MAP4K3: variants seen among roughly 807,000 people sequenced by gnomAD.
MAP4K3 encodes the protein MAPK/ERK kinase kinase kinase 3.
MAP4K3 carries 94 observed loss-of-function variants against 143.5 expected under a neutral mutation model. The ratio of observed to expected loss-of-function variants is 0.65; its 90% CI spans 0.55 to 0.78. The LOEUF (loss-of-function observed/expected upper bound fraction) is 0.78, where lower values mean the gene tolerates loss of function less well. MAP4K3 is among the 30% of genes least tolerant of loss of function. The pLI, the probability that MAP4K3 is intolerant of heterozygous loss-of-function variation, is 0.00. For synonymous variants in MAP4K3, 416 were observed against 347.2 expected, an observed-to-expected ratio of 1.20 and a Z score of -2.20; for missense variants, 1,077 against 1,068.1, an observed-to-expected ratio of 1.01 and a Z score of -0.12.
Position 39,309,518 on chromosome 2 carries a change from A to G in MAP4K3, c.999T>C (p.Phe333=). 1 of 1,572,918 alleles carries G rather than the reference A, an allele frequency of 6.4e-7. No individual in the cohort carries two copies. The highest frequency in any genetic ancestry group is 8.6e-7 in the Non-Finnish European group (1 of 1,160,014). ...REEKTRSEIT[F]GQVKFDPPLR... ...AGGGTGGATCAAATTTCACTTGGCCAACTAAAAAAGAAAAAAAAGTAAAAC... is the reference window on the plus strand; with the variant it reads ...AGGGTGGATCAAATTTCACTTGGCCGACTAAAAAAGAAAAAAAAGTAAAAC... Residue 333 remains phenylalanine, a splice_region_variant and synonymous_variant, in exon 14 of 34, where the codon TTT becomes TTC. Transcript: ENST00000263881.
intron 4 of MAP4K3, among the ~76,000 whole-genome samples, chr2:39,338,996 T>C (rs964799424): frequency 4.6e-5 from 7 of 152,206 alleles, no homozygotes; most frequent in Admixed American, 2.0e-4. Flanking sequence ...AGAGCATCTG[T>C]ACACTAAAAT....
chr2:39,426,571 A>G (rs75396846), intron 1 of MAP4K3, among the ~76,000 whole-genome samples: 2 of 150,450 alleles, frequency 1.3e-5, no homozygotes, highest in African/African-American at 2.4e-5. Context: ...AATGGTTCAG[A>G]AAAAAAAAAT....
chr2:39,277,411 C>T (rs1558616844), intron 24 of MAP4K3, among the ~76,000 whole-genome samples: 1 of 152,204 alleles, frequency 6.6e-6, no homozygotes, highest in Non-Finnish European at 1.5e-5. Context: ...CCTCTGTGGC[C>T]AATATCTTAT....
At chr2:39,368,968 G>C (rs1222820182) in intron 2 of MAP4K3, among the ~76,000 whole-genome samples, 2 of 151,966 alleles carry the variant, frequency 1.3e-5, no homozygotes, top group Non-Finnish European at 2.9e-5. Context: ...CACGTTTTAA[G>C]TTCTATCCAC....
chr2:39,322,616 G>GTGTA (rs958097518), intron 12 of MAP4K3, among the ~76,000 whole-genome samples: 10 of 149,656 alleles, frequency 6.7e-5, no homozygotes, highest in African/African-American at 2.5e-4. Context: ...GTGTGTGTGT[G>GTGTA]TATATATGTA....
intron 1 of MAP4K3, among the ~76,000 whole-genome samples, chr2:39,403,377 A>G (rs1399787846): frequency 6.6e-6 from 1 of 152,204 alleles, no homozygotes; most frequent in Non-Finnish European, 1.5e-5. Context: ...TATCACTGAA[A>G]GAGGCACTGA....
intron 12 of MAP4K3, among the ~76,000 whole-genome samples, chr2:39,320,787 A>T (rs181445470): frequency 1.1e-4 from 16 of 152,298 alleles, no homozygotes; most frequent in African/African-American, 3.8e-4. Flanking sequence ...AATACCCAAT[A>T]GCTTCCTCTG....
intron 15 of MAP4K3, among the ~76,000 whole-genome samples, chr2:39,302,200 C>T (rs1445493193): frequency 6.6e-6 from 1 of 151,970 alleles, no homozygotes; most frequent in Non-Finnish European, 1.5e-5. Context: ...TAGATACATC[C>T]AAGTCCGACG....
chr2:39,351,371 T>A (rs1216133861), intron 3 of MAP4K3, among the ~76,000 whole-genome samples: 2 of 152,196 alleles, frequency 1.3e-5, no homozygotes, highest in Non-Finnish European at 2.9e-5. Context: ...TCCCCTACAT[T>A]GACAAAAATC....
chr2:39,399,997 C>A (rs998920576), intron 1 of MAP4K3, among the ~76,000 whole-genome samples: 1 of 152,066 alleles, frequency 6.6e-6, no homozygotes, highest in Admixed American at 6.6e-5. Flanking sequence ...GACAATTTCC[C>A]CAGACTTCAG....
At chr2:39,358,597 A>C (rs1247080907) in intron 2 of MAP4K3, among the ~76,000 whole-genome samples, 1 of 152,184 alleles carries the variant, frequency 6.6e-6, no homozygotes, top group African/African-American at 2.4e-5. Flanking sequence ...ACTCTATGTG[A>C]TTGTGAGAAT....
intron 6 of MAP4K3, 146 bp from the exon 7 acceptor site, chr2:39,333,720 G>C: frequency 2.1e-6 from 1 of 486,204 alleles, no homozygotes; most frequent in Admixed American, 4.0e-5. Flanking sequence ...CGTATCATTA[G>C]AGTCATAGGT....
At chr2:39,433,885 G>T (rs1394795101) in intron 1 of MAP4K3, among the ~76,000 whole-genome samples, 4 of 152,152 alleles carry the variant, frequency 2.6e-5, no homozygotes, top group African/African-American at 9.7e-5. Flanking sequence ...AGTAAAATTT[G>T]AGTCATTTAG....
At chr2:39,266,890 G>C (rs1222049770) in intron 27 of MAP4K3, among the ~76,000 whole-genome samples, 4 of 130,090 alleles carry the variant, frequency 3.1e-5, no homozygotes, top group African/African-American at 5.1e-5. Flanking sequence ...TGGAAAACAG[G>C]GTGTGATAAA....
intron 22 of MAP4K3, among the ~76,000 whole-genome samples, chr2:39,280,998 A>T (rs1182424664): frequency 6.6e-6 from 1 of 152,218 alleles, no homozygotes; most frequent in African/African-American, 2.4e-5. Flanking sequence ...ATAATGAAAT[A>T]TATCACCCAT....
chr2:39,352,745 T>C (rs1286306995), intron 3 of MAP4K3, among the ~76,000 whole-genome samples: 1 of 152,176 alleles, frequency 6.6e-6, no homozygotes, highest in Non-Finnish European at 1.5e-5. Flanking sequence ...GCTACCCTGA[T>C]ATAAAATGGA....
intron 1 of MAP4K3, among the ~76,000 whole-genome samples, chr2:39,425,693 G>A (rs1008549353): frequency 6.3e-5 from 3 of 47,888 alleles, no homozygotes; most frequent in Non-Finnish European, 3.1e-4. Flanking sequence ...AAGCCACCTG[G>A]TCTGTGGTAT....
chr2:39,313,474 CCTTT>C (rs933766128), intron 13 of MAP4K3, among the ~76,000 whole-genome samples: 54 of 150,948 alleles, frequency 3.6e-4, no homozygotes, highest in Middle Eastern at 3.4e-3. Context: ...TTCCTTCCTT[CCTTT>C]CTTTTTCTTT....
At chr2:39,434,883 C>T (rs1474163023) in intron 1 of MAP4K3, among the ~76,000 whole-genome samples, 3 of 152,312 alleles carry the variant, frequency 2.0e-5, no homozygotes, top group South Asian at 4.1e-4. Context: ...TTATTTTAAA[C>T]GAATGACAAG....
Sources: allele counts gnomAD v4.1 joint callset (sites outside exome capture counted in the v4.1 genomes callset), GRCh38; gene constraint gnomAD v4.1.1; transcripts MANE v1.5; gene names NCBI Gene and HGNC (gene_info 2026-07-23, HGNC 2026-07-21).